Variants in ARL5A observed in about 807,000 individuals in gnomAD.
ARL5A encodes ARF like GTPase 5A, also known as ADP-ribosylation factor-like protein 5A.
In ARL5A, 18 loss-of-function variants were observed where a neutral mutation model predicts 25.9. The observed-to-expected ratio is 0.69, with a 90% CI of 0.48 to 1.03. ARL5A has a LOEUF of 1.03. Among genes scored for constraint, ARL5A ranks in the 50% least tolerant of loss-of-function variants. The pLI, the probability that ARL5A is intolerant of heterozygous loss-of-function variation, is 0.00. For synonymous variants in ARL5A, 61 were observed against 67.5 expected (o/e 0.90, Z 0.47); for missense variants, 170 against 211.9 (o/e 0.80, Z 1.23).
intron 5 of ARL5A, among the ~76,000 whole-genome samples, chr2:151,805,100 C>T (rs913775502): frequency 1.3e-5 from 2 of 151,946 alleles, no homozygotes; most frequent in Admixed American, 1.3e-4. Context: ...TATTATAAAT[C>T]CATGCTTTTG....
chr2:151,816,161 T>G (rs899284323), intron 1 of ARL5A, among the ~76,000 whole-genome samples: 1 of 152,260 alleles, frequency 6.6e-6, no homozygotes, highest in East Asian at 1.9e-4. Flanking sequence ...CCTCCTAGGG[T>G]AAGTCAGATA....
chr2:151,809,428 T>C (rs2099830525), intron 4 of ARL5A, among the ~76,000 whole-genome samples: 1 of 152,246 alleles, frequency 6.6e-6, no homozygotes, highest in African/African-American at 2.4e-5. Context: ...AACTTTAATT[T>C]AGAGTTCTTG....
Position 151,803,316 on chromosome 2 carries a change from T to TG in ARL5A, c.499dup (p.Gln167ProfsTer4). 1 of 1,612,352 alleles carries TG rather than the reference T, an allele frequency of 6.2e-7. No individual in the cohort carries two copies. Among genetic ancestry groups the TG allele is most frequent in the Admixed American group, 1.7e-5 (1 of 60,012 alleles). On this transcript the variant is annotated frameshift_variant, in exon 6 of 6. Coordinates refer to ENST00000295087, the MANE Select transcript of ARL5A (RefSeq NM_012097.4). LOFTEE classifies it high-confidence loss of function. ...TCGTGACATCATCCATTCAAGTCCT[T>TG]GGCACAATCTATAAAGAAAACAAAA...
At position 151,803,292 on chromosome 2, in the gene ARL5A, C is replaced by T. The variant is rs138455197; in HGVS notation, c.524G>A (p.Arg175Gln). The change falls in exon 6 of 6, where the codon CGA becomes CAA. Residue 175 changes from arginine (R) to glutamine (Q), a missense_variant. By Grantham distance (43) the Arg-to-Gln change is conservative. Transcript: ENST00000295087. ...CAGTAGAGATCATCTAATCTTAAGT[C>T]GTGACATCATCCATTCAAGTCCTTG... ...LCQGLEWMMS[R>Q]LKIR 1,158 of 1,612,718 alleles carry T rather than the reference C, an allele frequency of 7.2e-4. 1 individual carries two copies. Among genetic ancestry groups the T allele is most frequent in the Non-Finnish European group, 9.3e-4 (1,091 of 1,178,940 alleles).
rs115872510 is a variant in ARL5A, at chr2:151,826,898, C to T, written c.46+1233G>A. Among the ~76,000 whole-genome samples the T allele has an allele frequency of 4.6e-3, 697 of 151,764 alleles. 4 individuals are homozygous for T. Among genetic ancestry groups the T allele is most frequent in the African/African-American group, 0.016 (657 of 41,188 alleles). ...TCTTATCAGAAAAATTGATACTGCC[C>T]TTTCTTTCGGTATCACGTGACCTAC... On this transcript the variant is annotated intron_variant, in intron 1 of 5. Coordinates refer to ENST00000295087, the MANE Select transcript of ARL5A (RefSeq NM_012097.4).
At chr2:151,827,147 G>A (rs559279996) in intron 1 of ARL5A, among the ~76,000 whole-genome samples, 119 of 152,306 alleles carry the variant, frequency 7.8e-4, no homozygotes, top group African/African-American at 2.6e-3. Flanking sequence ...CTAAGTTCCT[G>A]ACAGCGGAAT....
chr2:151,812,011 G>A (rs552196548), intron 4 of ARL5A, among the ~76,000 whole-genome samples: 1 of 152,218 alleles, frequency 6.6e-6, no homozygotes, highest in South Asian at 2.1e-4. Flanking sequence ...TAAGCACCCA[G>A]GTACTTTAAA....
intron 1 of ARL5A, among the ~76,000 whole-genome samples, chr2:151,825,896 G>T (rs112003704): frequency 6.6e-6 from 1 of 151,956 alleles, no homozygotes; most frequent in African/African-American, 2.4e-5. Flanking sequence ...AGCCCAAGGC[G>T]GGTGGATCAC....
intron 1 of ARL5A, among the ~76,000 whole-genome samples, chr2:151,818,335 G>C (rs983772998): frequency 3.3e-5 from 5 of 152,060 alleles, no homozygotes; most frequent in African/African-American, 1.2e-4. Flanking sequence ...CTGGATTGCA[G>C]TATCACAATC....
chr2:151,806,028 T>TA (rs570150798), intron 5 of ARL5A, among the ~76,000 whole-genome samples: 184 of 152,310 alleles, frequency 1.2e-3, no homozygotes, highest in African/African-American at 4.1e-3. Flanking sequence ...AAACTACACT[T>TA]ACCTCATGCC....
At chr2:151,819,241 G>A (rs2099831925) in intron 1 of ARL5A, among the ~76,000 whole-genome samples, 1 of 152,176 alleles carries the variant, frequency 6.6e-6, no homozygotes, top group African/African-American at 2.4e-5. Context: ...CAGCTAAGGA[G>A]GTTAAACACT....
In ARL5A at chr2:151,802,226, C is replaced by A. The variant is rs531826472; in HGVS notation, c.*1050G>T. 31 of 152,172 alleles carry A rather than the reference C, an allele frequency of 2.0e-4. No homozygotes were observed. The highest frequency in any genetic ancestry group is 7.5e-4 in the African/African-American group (31 of 41,550). The allele number at this position is 152,172 out of a possible 1,614,324, so 9.4% of individuals were successfully genotyped here. A position where few individuals can be genotyped will look rare whatever the true frequency, so the allele number is the denominator to read the frequency against. On this transcript the variant is annotated 3_prime_UTR_variant, in exon 6 of 6. Transcript: ENST00000295087. Reference sequence around the variant, plus strand: ...CATGCCTTACTTTTACTCTGAAATTCACTTTAACTGCTTGACATATAATTT... The same window carrying A: ...CATGCCTTACTTTTACTCTGAAATTAACTTTAACTGCTTGACATATAATTT...
rs751611733 is a variant in ARL5A, at chr2:151,802,803, A to T, written c.*473T>A. The T allele has an allele frequency of 6.5e-6, 1 of 153,892 alleles. No homozygotes were observed. Among genetic ancestry groups the T allele is most frequent in the Admixed American group, 6.5e-5 (1 of 15,404 alleles). The allele number at this position is 153,892 out of a possible 1,614,324, so 9.5% of individuals were successfully genotyped here. A position where few individuals can be genotyped will look rare whatever the true frequency, so the allele number is the denominator to read the frequency against. On this transcript the variant is annotated 3_prime_UTR_variant, in exon 6 of 6. Coordinates refer to ENST00000295087, the MANE Select transcript of ARL5A (RefSeq NM_012097.4). ...AATGCCATTAACTTGAACTTGAGGT[A>T]TATACACAATACACACACAACCTTA... is the stretch of plus-strand genomic sequence containing the variant.
intron 5 of ARL5A, 26 bp downstream of exon 5, chr2:151,806,795 T>A: frequency 6.3e-7 from 1 of 1,578,980 alleles, no homozygotes; most frequent in South Asian, 1.2e-5. Context: ...AAATGTTCGA[T>A]AACATTTAAG....
intron 5 of ARL5A, among the ~76,000 whole-genome samples, chr2:151,804,428 T>C (rs2099829827): frequency 6.6e-6 from 1 of 152,164 alleles, no homozygotes. Context: ...TATGTTACAA[T>C]ATTAAATTTT....
At chr2:151,816,473 C>A (rs1182815813) in intron 1 of ARL5A, among the ~76,000 whole-genome samples, 1 of 152,134 alleles carries the variant, frequency 6.6e-6, no homozygotes, top group African/African-American at 2.4e-5. Context: ...TGCTTTAAGT[C>A]ATAAAATTAA....
chr2:151,814,654 C>G (rs2099831280), intron 2 of ARL5A, among the ~76,000 whole-genome samples: 2 of 151,984 alleles, frequency 1.3e-5, no homozygotes, highest in Non-Finnish European at 2.9e-5. Flanking sequence ...TGAATAGGAT[C>G]AAGCAATCTT....
chr2:151,807,534 A>C (rs2099830253), intron 4 of ARL5A, among the ~76,000 whole-genome samples: 1 of 152,190 alleles, frequency 6.6e-6, no homozygotes, highest in Admixed American at 6.5e-5. Context: ...ATGAGTGACT[A>C]CATTGCAAAT....
chr2:151,806,477 A>G (rs2099830126), intron 5 of ARL5A, among the ~76,000 whole-genome samples: 1 of 152,148 alleles, frequency 6.6e-6, no homozygotes. Flanking sequence ...CAGACATAGG[A>G]CATGCTCGGC....
Sources: allele counts gnomAD v4.1 joint callset (sites outside exome capture counted in the v4.1 genomes callset), GRCh38; gene constraint gnomAD v4.1.1; transcripts MANE v1.5; gene names NCBI Gene and HGNC (gene_info 2026-07-23, HGNC 2026-07-21).